The following MAP3K6 variants were observed in gnomAD, a reference collection of about 807,000 sequenced individuals.
The protein encoded by MAP3K6 is apoptosis signal-regulating kinase 2.
Under a neutral mutation model 147.1 loss-of-function variants are expected in MAP3K6, and 105 were observed. The ratio of observed to expected loss-of-function variants is 0.71; its 90% CI spans 0.61 to 0.84. MAP3K6 has a LOEUF of 0.84. MAP3K6 is among the 40% of genes least tolerant of loss of function. The probability of loss-of-function intolerance (pLI) is 0.00; values close to 1 mark genes in which losing one functional copy is unlikely to be tolerated. For synonymous variants in MAP3K6, 695 were observed against 732.4 expected (o/e 0.95, Z 0.82); for missense variants, 1,569 against 1,715.0 (o/e 0.91, Z 1.50).
chr1:27,358,189 G>A lies in MAP3K6; in HGVS notation c.2907C>T (p.Ser969=). The A allele has an allele frequency of 6.3e-7, 1 of 1,587,112 alleles. No homozygotes were observed. Among genetic ancestry groups the A allele is most frequent in the Non-Finnish European group, 8.5e-7 (1 of 1,171,754 alleles). ...AGGAGCCTTGGTCTCACCGGAGCTG[G>A]CTGGTGCCCCCATAACTGAGGCAGC... The part of the protein sequence containing the change: ...PKRCLSYGGT[S]QLRVPEEPAA... Residue 969 remains serine, a synonymous_variant, in exon 21 of 29, where the codon AGC becomes AGT. Transcript: ENST00000357582. This position sits in a 1 kb window ranked among gnomAD's most constrained non-coding sequence, Gnocchi z 6.2.
Position 27,361,371 on chromosome 1 carries a change from G to C in MAP3K6, c.1711C>G (p.Pro571Ala). Residue 571 changes from proline (P) to alanine (A), a missense_variant, in exon 12 of 29, where the codon CCA (proline) becomes GCA (alanine). Pro to Ala is a conservative substitution (Grantham distance 27, BLOSUM62 -1). Coordinates refer to ENST00000357582, the MANE Select transcript of MAP3K6 (RefSeq NM_004672.5). Reference protein sequence around the residue: ...TQDIPSSWTFPVASICGVSAS... With the variant: ...TQDIPSSWTFAVASICGVSAS... The stretch of plus-strand genomic sequence containing the variant: ...CTGACTCCGCATATGGAGGCGACTG[G>C]GAAGGTCCAGCTGGAGGGAATGTCC... The C allele has an allele frequency of 6.2e-7, 1 of 1,613,988 alleles. No individual in the cohort carries two copies. Among genetic ancestry groups the C allele is most frequent in the South Asian group, 1.1e-5 (1 of 91,064 alleles).
At chr1:27,357,230 GT>G in intron 23 of MAP3K6, 116 bp from the exon 24 acceptor site, 2 of 1,264,562 alleles carry the variant, frequency 1.6e-6, no homozygotes, top group Non-Finnish European at 2.2e-6. Context: ...CGGGCTTGAG[GT>G]CCAGGGAAGG....
At position 27,366,400 on chromosome 1, in the gene MAP3K6, C is replaced by T. The variant is rs2148063636; in HGVS notation, c.198G>A (p.Glu66=). 2.4e-6 allele frequency: 3 copies of T among 1,241,548 alleles called. No homozygotes were observed. Among genetic ancestry groups the T allele is most frequent in the Non-Finnish European group, 2.0e-6 (2 of 992,800 alleles). 76.9% of individuals were successfully genotyped at this position (1,241,548 alleles called of 1,614,324 possible). A position where few individuals can be genotyped will look rare whatever the true frequency, so the allele number is the denominator to read the frequency against. ...QPGLEPREGT[E]AEPLPLRCLR... ...GGCAGCGCAGGGGCAGCGGCTCCGC[C>T]TCGGTTCCCTCCCGAGGCTCGAGCC... Residue 66 remains glutamate, a synonymous_variant, in exon 1 of 29, where the codon GAG becomes GAA. Coordinates refer to ENST00000357582, the MANE Select transcript of MAP3K6 (RefSeq NM_004672.5). The surrounding 1 kb of genome is among the most constrained non-coding windows in gnomAD (Gnocchi z 5.5).
At chr1:27,365,134 AG>A (rs1388787344) in intron 1 of MAP3K6, among the ~76,000 whole-genome samples, 2 of 152,136 alleles carry the variant, frequency 1.3e-5, no homozygotes, top group Non-Finnish European at 2.9e-5. Flanking sequence ...TGGGACCCTC[AG>A]GCCACGGTTC....
In MAP3K6 at chr1:27,355,527, C is replaced by T. The variant is rs376953864; in HGVS notation, c.3789-58G>A. 1.5e-5 allele frequency: 24 copies of T among 1,586,920 alleles called. No homozygotes were observed. The Admixed American group carries it at 2.2e-4, about 14-fold the overall frequency. On this transcript the variant is annotated intron_variant, in intron 28 of 28. Coordinates refer to ENST00000357582, the MANE Select transcript of MAP3K6 (RefSeq NM_004672.5). The stretch of plus-strand genomic sequence containing the variant: ...GAAGGTGGCCCTGGACTCTATCTTG[C>T]ACACACTGTCTGCCCAGTGCCCCCT...
intron 9 of MAP3K6, 65 bp downstream of exon 9, chr1:27,362,026 C>T: frequency 2.6e-6 from 4 of 1,554,298 alleles, no homozygotes; most frequent in Non-Finnish European, 3.5e-6. Flanking sequence ...TCTAGCATGC[C>T]AATGGACATA....
chr1:27,358,315 G>A lies in MAP3K6; in HGVS notation c.2781C>T (p.Ala927=). Residue 927 remains alanine (A), a synonymous_variant, in exon 21 of 29, where the codon GCC becomes GCT. Coordinates refer to ENST00000357582, the MANE Select transcript of MAP3K6 (RefSeq NM_004672.5). The surrounding 1 kb of genome is among the most constrained non-coding windows in gnomAD (Gnocchi z 6.2). ...CTGAAGGAGTGGGACTGGCAGAAGG[G>A]GCATCTGAGGGAGGGACAGAGCCAT... is the stretch of plus-strand genomic sequence containing the variant. The part of the protein sequence containing the change: ...SPRHAPRPSD[A]PSASPTPSAN... 2 of 1,607,540 alleles carry A rather than the reference G, an allele frequency of 1.2e-6. No homozygotes were observed. Among genetic ancestry groups the A allele is most frequent in the South Asian group, 2.2e-5 (2 of 90,372 alleles).
At chr1:27,365,163 G>C (rs1270332034) in intron 1 of MAP3K6, among the ~76,000 whole-genome samples, 1 of 152,206 alleles carries the variant, frequency 6.6e-6, no homozygotes, top group Non-Finnish European at 1.5e-5. Flanking sequence ...GTGAGCACCT[G>C]GCATGGGGGA....
Position 27,356,624 on chromosome 1 carries a change from C to T in MAP3K6, c.3490G>A (p.Val1164Met), listed in dbSNP as rs572906443. The T allele has an allele frequency of 4.3e-6, 7 of 1,612,718 alleles. No homozygotes were observed. The highest frequency in any genetic ancestry group is 3.3e-5 in the Admixed American group (2 of 59,778). ...EPEQGPAPLM[V>M]QLSLLRAETD... ...TCTGCCCTCAAGAGGCTCAGCTGCA[C>T]CATCAGAGGAGCGGGGCCCTGCTCG... Residue 1164 changes from valine (V) to methionine (M), a missense_variant, in exon 25 of 29, where the codon GTG becomes ATG. By Grantham distance (21) the Val-to-Met change is conservative. Coordinates refer to ENST00000357582, the MANE Select transcript of MAP3K6 (RefSeq NM_004672.5).
In MAP3K6 at chr1:27,365,018, G is replaced by T. The variant is rs984138612; in HGVS notation, c.341-106C>A. 7.2e-5 allele frequency: 90 copies of T among 1,252,494 alleles called. 1 individual carries two copies. The African/African-American group carries it at 1.1e-3, about 16-fold the overall frequency. 77.6% of individuals were successfully genotyped at this position (1,252,494 alleles called of 1,614,324 possible). On this transcript the variant is annotated intron_variant, in intron 1 of 28. Coordinates refer to ENST00000357582, the MANE Select transcript of MAP3K6 (RefSeq NM_004672.5). Reference sequence around the variant, plus strand: ...TGCCTTGCTGTGGGACTCCAGTAGGGTCTGGTTCTGCTTTGGGCTTCAGTC... The same window carrying T: ...TGCCTTGCTGTGGGACTCCAGTAGGTTCTGGTTCTGCTTTGGGCTTCAGTC...
rs1320701989 is a variant in MAP3K6 at position 27,358,308 on chromosome 1, C to T, written c.2788G>A (p.Ala930Thr). 5.6e-6 allele frequency: 9 copies of T among 1,608,030 alleles called. No individual in the cohort carries two copies. Among genetic ancestry groups the T allele is most frequent in the Non-Finnish European group, 7.6e-6 (9 of 1,178,400 alleles). The change falls in exon 21 of 29, where the codon GCC becomes ACC. Residue 930 changes from alanine to threonine, a missense_variant. Coordinates refer to ENST00000357582, the MANE Select transcript of MAP3K6 (RefSeq NM_004672.5). This position sits in a 1 kb window ranked among gnomAD's most constrained non-coding sequence, Gnocchi z 6.2. ...GAGTTGGCTGAAGGAGTGGGACTGG[C>T]AGAAGGGGCATCTGAGGGAGGGACA... is the stretch of plus-strand genomic sequence containing the variant. ...HAPRPSDAPS[A>T]SPTPSANSTT...
At position 27,358,730 on chromosome 1, in the gene MAP3K6, G is replaced by A; in HGVS notation, c.2562C>T (p.Ser854=). 1.2e-6 allele frequency: 2 copies of A among 1,613,906 alleles called. No homozygotes were observed. Among genetic ancestry groups the A allele is most frequent in the South Asian group, 1.1e-5 (1 of 91,084 alleles). The part of the protein sequence containing the change: ...TGRPPFHELG[S]PQAAMFQVGM... ...TCACCTGAAACATGGCAGCCTGTGG[G>A]CTCCCGAGCTCGTGGAAGGGGGGGC... The change falls in exon 19 of 29, where the codon AGC becomes AGT. Residue 854 remains serine, a synonymous_variant. Transcript: ENST00000357582. This position sits in a 1 kb window ranked among gnomAD's most constrained non-coding sequence, Gnocchi z 6.2.
Position 27,366,638 on chromosome 1 carries a change from G to A in MAP3K6, c.-41C>T. ...CGCGGGGCGCCGCGCACTGGGAACCGGGGGCGGGGCAGGAGCCTGGGCCGG... is the reference window on the plus strand; with the variant it reads ...CGCGGGGCGCCGCGCACTGGGAACCAGGGGCGGGGCAGGAGCCTGGGCCGG... On this transcript the variant is annotated 5_prime_UTR_variant, in exon 1 of 29. Coordinates refer to ENST00000357582, the MANE Select transcript of MAP3K6 (RefSeq NM_004672.5). The surrounding 1 kb of genome is among the most constrained non-coding windows in gnomAD (Gnocchi z 5.5). The A allele has an allele frequency of 9.3e-7, 1 of 1,072,176 alleles. No individual in the cohort carries two copies. Among genetic ancestry groups the A allele is most frequent in the African/African-American group, 1.7e-5 (1 of 59,488 alleles). The allele number at this position is 1,072,176 out of a possible 1,614,324, so 66.4% of individuals were successfully genotyped here.
rs1358668969 is a variant in MAP3K6, at chr1:27,355,748, G to A, written c.3712-3C>T. The A allele has an allele frequency of 6.2e-7, 1 of 1,613,658 alleles. No homozygotes were observed. The highest frequency in any genetic ancestry group is 1.3e-5 in the African/African-American group (1 of 74,908). On this transcript the variant is annotated splice_region_variant and splice_polypyrimidine_tract_variant and intron_variant, in intron 27 of 28. Transcript: ENST00000357582. ...AGGGTGAAGCTATGGTTCAACAGCT[G>A]GATGTGGTCAAAGACCCGCAGAAAG...
chr1:27,357,970 G>T, intron 21 of MAP3K6, 94 bp from the exon 22 acceptor site: 1 of 1,479,098 alleles, frequency 6.8e-7, no homozygotes, highest in African/African-American at 1.4e-5. Flanking sequence ...CTACTTTTAT[G>T]CCTACCTCAC....
At chr1:27,355,613 A>G (rs2015491226) in intron 28 of MAP3K6, 56 bp downstream of exon 28, 1 of 1,600,394 alleles carries the variant, frequency 6.2e-7, no homozygotes, top group African/African-American at 1.3e-5. Flanking sequence ...GCAGGCCTGC[A>G]GTTGGCCAGG....
At chr1:27,362,539 A>G in intron 8 of MAP3K6, 102 bp downstream of exon 8, 1 of 933,322 alleles carries the variant, frequency 1.1e-6, no homozygotes, top group Non-Finnish European at 1.6e-6. Context: ...AAAATGGATG[A>G]GCTCATCCTA....
rs2015984347 is a variant in MAP3K6 at position 27,366,341 on chromosome 1, C to T, written c.257G>A (p.Arg86Gln). Reference protein sequence around the residue: ...REACAQVPRPRPPPQLRSLPF... With the variant: ...REACAQVPRPQPPPQLRSLPF... ...CAGGCTGCGCAGCTGCGGGGGCGGC[C>T]GCGGCCGGGGGACCTGCGCGCAAGC... The change falls in exon 1 of 29, where the codon CGG (arginine) becomes CAG (glutamine). Residue 86 changes from arginine to glutamine, a missense_variant. Transcript: ENST00000357582. The surrounding 1 kb of genome is among the most constrained non-coding windows in gnomAD (Gnocchi z 5.5). 1 of 1,289,928 alleles carries T rather than the reference C, an allele frequency of 7.8e-7. No individual in the cohort carries two copies. Among genetic ancestry groups the T allele is most frequent in the Non-Finnish European group, 9.8e-7 (1 of 1,020,406 alleles). 79.9% of individuals were successfully genotyped at this position (1,289,928 alleles called of 1,614,324 possible).
At chr1:27,361,441 A>T in intron 11 of MAP3K6, 46 bp from the exon 12 acceptor site, 1 of 1,611,538 alleles carries the variant, frequency 6.2e-7, no homozygotes, top group South Asian at 1.1e-5. Context: ...GTGACAGGAG[A>T]GGGGTCTGAG....
Sources: gnomAD v4.1 joint callset for allele counts (sites outside exome capture counted in the v4.1 genomes callset) on GRCh38, gnomAD v4.1.1 for gene constraint, Gnocchi (gnomAD v3.1) non-coding constraint, MANE v1.5 for transcripts, NCBI Gene and HGNC (gene_info 2026-07-23, HGNC 2026-07-21) for gene names.